Variants in TMEM132C observed in about 807,000 individuals in gnomAD.
TMEM132C encodes the protein transmembrane protein 132C.
A neutral mutation model predicts 61.4 loss-of-function variants in TMEM132C; 29 were observed. The observed-to-expected ratio is 0.47, with a 90% confidence interval of 0.35 to 0.64. The LOEUF (loss-of-function observed/expected upper bound fraction) is 0.64, where lower values mean the gene tolerates loss of function less well. Ranked by LOEUF, TMEM132C falls within the 30% of genes least tolerant of loss-of-function variation. The probability of loss-of-function intolerance (pLI) is 0.00; values close to 1 mark genes in which losing one functional copy is unlikely to be tolerated. For synonymous variants in TMEM132C, 656 were observed against 633.1 expected (o/e 1.04, Z -0.54); for missense variants, 1,408 against 1,476.9 (o/e 0.95, Z 0.76).
chr12:128,640,175 A>C (rs1014056913), intron 4 of TMEM132C, among the ~76,000 whole-genome samples: 1 of 152,202 alleles, frequency 6.6e-6, no homozygotes, highest in Non-Finnish European at 1.5e-5. Flanking sequence ...AAGCATTTCA[A>C]TTAAAATAAT....
chr12:128,513,495 C>T (rs1257934104), intron 2 of TMEM132C, among the ~76,000 whole-genome samples: 2 of 152,198 alleles, frequency 1.3e-5, no homozygotes, highest in Non-Finnish European at 2.9e-5. Flanking sequence ...AGGGACACTT[C>T]TTGCCTTCTG....
chr12:128,455,301 C>G (rs143435186), intron 2 of TMEM132C, among the ~76,000 whole-genome samples: 3 of 152,182 alleles, frequency 2.0e-5, no homozygotes, highest in Non-Finnish European at 4.4e-5. Context: ...CAGTTTCACT[C>G]GAGACCAGGC....
intron 6 of TMEM132C, among the ~76,000 whole-genome samples, chr12:128,695,626 T>C (rs974603856): frequency 1.3e-5 from 2 of 152,256 alleles, no homozygotes; most frequent in Non-Finnish European, 2.9e-5. Flanking sequence ...TTAGCCCTTG[T>C]CTTTTATTTT....
At chr12:128,290,318 G>A (rs1467578008) in intron 1 of TMEM132C, among the ~76,000 whole-genome samples, 2 of 152,092 alleles carry the variant, frequency 1.3e-5, no homozygotes, top group African/African-American at 2.4e-5. Context: ...GGAAGCAAGG[G>A]ACGTCCTACA....
intron 1 of TMEM132C, among the ~76,000 whole-genome samples, chr12:128,410,393 A>G (rs1442493680): frequency 1.3e-5 from 2 of 151,924 alleles, no homozygotes; most frequent in African/African-American, 2.4e-5. Flanking sequence ...ATATATATGT[A>G]TATGTATATG....
chr12:128,307,752 A>G (rs1871832845), intron 1 of TMEM132C, among the ~76,000 whole-genome samples: 1 of 152,238 alleles, frequency 6.6e-6, no homozygotes. Context: ...GATTCTTAAG[A>G]ACTTCAAGTC....
At chr12:128,585,122 C>G (rs150768096) in intron 3 of TMEM132C, among the ~76,000 whole-genome samples, 1 of 152,372 alleles carries the variant, frequency 6.6e-6, no homozygotes, top group East Asian at 1.9e-4. Flanking sequence ...TGAAACGTCT[C>G]TACACGTACA....
intron 5 of TMEM132C, among the ~76,000 whole-genome samples, chr12:128,689,845 C>T (rs557018487): frequency 9.8e-5 from 15 of 152,316 alleles, no homozygotes; most frequent in Admixed American, 9.8e-4. Flanking sequence ...GTCCCCACCC[C>T]AGACCTGCTG....
chr12:128,563,137 A>G (rs1007014340), intron 3 of TMEM132C, among the ~76,000 whole-genome samples: 1 of 152,280 alleles, frequency 6.6e-6, no homozygotes, highest in African/African-American at 2.4e-5. Context: ...GTCATCTTGT[A>G]TCCTGGTGAA....
intron 1 of TMEM132C, among the ~76,000 whole-genome samples, chr12:128,357,710 A>G (rs1219459538): frequency 1.3e-5 from 2 of 150,712 alleles, no homozygotes; most frequent in East Asian, 2.0e-4. Flanking sequence ...AAAAAAAAAA[A>G]GAAAAAGAAG....
chr12:128,569,966 T>C (rs10773554), intron 3 of TMEM132C, among the ~76,000 whole-genome samples: 40,753 of 152,204 alleles, frequency 0.27, 7,622 homozygotes, highest in African/African-American at 0.54. Flanking sequence ...GATTCTTTCT[T>C]TCTTCACTAT....
Position 128,694,671 on chromosome 12 carries a change from A to T in TMEM132C, c.1655+637A>T, listed in dbSNP as rs372444320. On this transcript the variant is annotated intron_variant, in intron 6 of 8. Coordinates refer to ENST00000435159, the MANE Select transcript of TMEM132C (RefSeq NM_001136103.3). ...CTCTTTCCCTGACAGTCCCCCAGGC[A>T]CCAGGGCCTTTCTCATAAGAGAGAG... Among the ~76,000 whole-genome samples the T allele has an allele frequency of 5.8e-4, 89 of 152,286 alleles. No individual in the cohort carries two copies. The East Asian group carries it at 0.015, about 25-fold the overall frequency.
At chr12:128,311,008 TATC>T (rs1404115729) in intron 1 of TMEM132C, among the ~76,000 whole-genome samples, 2 of 152,234 alleles carry the variant, frequency 1.3e-5, no homozygotes, top group East Asian at 1.9e-4. Flanking sequence ...TATGTATATC[TATC>T]ATCTATCAAT....
At chr12:128,549,442 A>G (rs1233249882) in intron 3 of TMEM132C, among the ~76,000 whole-genome samples, 1 of 152,034 alleles carries the variant, frequency 6.6e-6, no homozygotes, top group Non-Finnish European at 1.5e-5. Flanking sequence ...TGGCTCGGAA[A>G]ATATCCCCTA....
intron 2 of TMEM132C, among the ~76,000 whole-genome samples, chr12:128,538,620 G>A (rs1873623437): frequency 6.6e-6 from 1 of 152,082 alleles, no homozygotes; most frequent in African/African-American, 2.4e-5. Context: ...AAATAATACT[G>A]CAGTGCCCTG....
intron 2 of TMEM132C, among the ~76,000 whole-genome samples, chr12:128,442,682 A>G (rs766421514): frequency 6.6e-6 from 1 of 152,154 alleles, no homozygotes; most frequent in East Asian, 1.9e-4. Context: ...TCATGCTACA[A>G]AGGGTATTTT....
At chr12:128,645,244 A>G (rs1403191139) in intron 4 of TMEM132C, among the ~76,000 whole-genome samples, 1 of 152,152 alleles carries the variant, frequency 6.6e-6, no homozygotes, top group Non-Finnish European at 1.5e-5. Context: ...TCTCTCCTCC[A>G]GAGCCCTCTC....
intron 5 of TMEM132C, among the ~76,000 whole-genome samples, chr12:128,681,269 C>T (rs1268308545): frequency 1.3e-5 from 2 of 152,092 alleles, no homozygotes; most frequent in Admixed American, 1.3e-4. Flanking sequence ...TGTGAGCCAC[C>T]GCACCCGGCC....
intron 2 of TMEM132C, among the ~76,000 whole-genome samples, chr12:128,503,336 T>C (rs938150640): frequency 2.0e-5 from 3 of 152,214 alleles, no homozygotes; most frequent in African/African-American, 7.2e-5. Flanking sequence ...GAATTTTAAG[T>C]GTAGGCGAGG....
Sources: gnomAD v4.1 joint callset for allele counts (sites outside exome capture counted in the v4.1 genomes callset) on GRCh38, gnomAD v4.1.1 for gene constraint, MANE v1.5 for transcripts, NCBI Gene and HGNC (gene_info 2026-07-23, HGNC 2026-07-21) for gene names.